Variants in CEP63 observed in about 807,000 individuals in gnomAD.
CEP63 encodes the protein centrosomal protein of 63 kDa.
In CEP63, 84 loss-of-function variants were observed where a neutral mutation model predicts 89.1. The observed-to-expected ratio is 0.94, with a 90% CI of 0.79 to 1.13. The LOEUF is 1.13. Ranked by LOEUF, CEP63 falls within the 50% of genes most tolerant of loss-of-function variation. The pLI is 0.00. For synonymous variants in CEP63, 267 were observed against 272.5 expected (o/e 0.98, Z 0.20); for missense variants, 838 against 813.3 (o/e 1.03, Z -0.37).
At chr3:134,691,652 G>T in the CEP63 span, among the ~76,000 whole-genome samples, 1 of 152,086 alleles carries the variant, frequency 6.6e-6, no homozygotes. Context: ...TTAAAAACAG[G>T]CATAACAAAT....
chr3:134,604,899 G>C, the CEP63 span, among the ~76,000 whole-genome samples: 14 of 152,266 alleles, frequency 9.2e-5, no homozygotes, highest in African/African-American at 3.4e-4. Context: ...TGTAGCATCT[G>C]TCTAAGTGTC....
the CEP63 span, among the ~76,000 whole-genome samples, chr3:134,647,165 C>T: frequency 6.6e-5 from 10 of 152,206 alleles, no homozygotes; most frequent in African/African-American, 2.2e-4. Flanking sequence ...ATGTTAAGTC[C>T]TCCCCTACGG....
At chr3:134,761,157 C>T in the CEP63 span, among the ~76,000 whole-genome samples, 1 of 152,158 alleles carries the variant, frequency 6.6e-6, no homozygotes, top group African/African-American at 2.4e-5. Flanking sequence ...TCTGCACATC[C>T]ACTGTTCTAT....
At chr3:134,486,984 A>G (rs1935729244) in intron 1 of CEP63, among the ~76,000 whole-genome samples, 2 of 152,242 alleles carry the variant, frequency 1.3e-5, no homozygotes, top group Admixed American at 6.5e-5. Flanking sequence ...AAAGATGAGT[A>G]TGATGTCAGA....
At chr3:134,773,114 G>C in the CEP63 span, among the ~76,000 whole-genome samples, 2 of 152,186 alleles carry the variant, frequency 1.3e-5, no homozygotes, top group Admixed American at 1.3e-4. Context: ...GCTTGTAGAG[G>C]CAGCAGGGCA....
the CEP63 span, among the ~76,000 whole-genome samples, chr3:134,662,562 T>G: frequency 2.0e-5 from 3 of 152,192 alleles, no homozygotes; most frequent in Admixed American, 2.0e-4. Context: ...AACAACCTTT[T>G]GAGGTGGTTA....
chr3:134,600,752 T>G, the CEP63 span: 11 of 152,288 alleles, frequency 7.2e-5, no homozygotes, highest in South Asian at 2.1e-4. Flanking sequence ...CAAGTGCTTC[T>G]GTTTCAAGAA....
At chr3:134,678,160 G>A in the CEP63 span, among the ~76,000 whole-genome samples, 1 of 152,104 alleles carries the variant, frequency 6.6e-6, no homozygotes, top group African/African-American at 2.4e-5. Flanking sequence ...CCAGCCCAGA[G>A]CTGCTTGTTG....
chr3:134,767,337 C>G, the CEP63 span, among the ~76,000 whole-genome samples: 1 of 152,148 alleles, frequency 6.6e-6, no homozygotes, highest in African/African-American at 2.4e-5. Flanking sequence ...ATTACCTTCC[C>G]CCTTCAACTA....
chr3:134,525,768 A>G (rs1038998881), intron 3 of CEP63, among the ~76,000 whole-genome samples: 2 of 152,180 alleles, frequency 1.3e-5, no homozygotes, highest in Non-Finnish European at 2.9e-5. Flanking sequence ...TATGCCTTCA[A>G]TCTGTTCTGG....
At chr3:134,514,387 A>T (rs1046585454) in intron 3 of CEP63, among the ~76,000 whole-genome samples, 1 of 152,164 alleles carries the variant, frequency 6.6e-6, no homozygotes, top group Non-Finnish European at 1.5e-5. Flanking sequence ...GGAGAAAAAA[A>T]ATGAGAATGG....
chr3:134,742,034 T>C, the CEP63 span, among the ~76,000 whole-genome samples: 4 of 151,556 alleles, frequency 2.6e-5, no homozygotes, highest in Non-Finnish European at 5.9e-5. Context: ...TCCAAAGGGG[T>C]ACAACCATTG....
At chr3:134,694,598 T>C in the CEP63 span, among the ~76,000 whole-genome samples, 1 of 152,214 alleles carries the variant, frequency 6.6e-6, no homozygotes, top group South Asian at 2.1e-4. Flanking sequence ...CCTCCAGGGC[T>C]CCAGCCTAGG....
chr3:134,598,845 C>T, the CEP63 span, among the ~76,000 whole-genome samples: 1 of 152,182 alleles, frequency 6.6e-6, no homozygotes, highest in East Asian at 1.9e-4. Flanking sequence ...CTGTGGGACA[C>T]CCCAAAGAGG....
intron 1 of CEP63, among the ~76,000 whole-genome samples, chr3:134,488,866 T>G (rs1936632692): frequency 6.6e-6 from 1 of 151,384 alleles, no homozygotes; most frequent in South Asian, 2.1e-4. Flanking sequence ...AATTAAAAAT[T>G]CAGTTCCTAG....
chr3:134,674,476 C>T, the CEP63 span, among the ~76,000 whole-genome samples: 1 of 152,060 alleles, frequency 6.6e-6, no homozygotes. Context: ...ATCACACAGC[C>T]AACATAAACT....
At chr3:134,541,551 T>G (rs1441417754) in intron 6 of CEP63, among the ~76,000 whole-genome samples, 1 of 150,332 alleles carries the variant, frequency 6.7e-6, no homozygotes, top group Non-Finnish European at 1.5e-5. Context: ...TTTTCGCTCT[T>G]GTTGCCCAGG....
the CEP63 span, among the ~76,000 whole-genome samples, chr3:134,695,554 C>T: frequency 3.9e-5 from 6 of 152,258 alleles, no homozygotes; most frequent in East Asian, 1.9e-4. Context: ...TGGCAGGTGA[C>T]GGCTATGCCA....
At chr3:134,661,118 G>T in the CEP63 span, among the ~76,000 whole-genome samples, 1 of 152,192 alleles carries the variant, frequency 6.6e-6, no homozygotes, top group African/African-American at 2.4e-5. Flanking sequence ...ACATTTTAGT[G>T]AGTTTCTTGC....
Sources: gnomAD v4.1 joint callset for allele counts (sites outside exome capture counted in the v4.1 genomes callset) on GRCh38, gnomAD v4.1.1 for gene constraint, MANE v1.5 for transcripts, NCBI Gene and HGNC (gene_info 2026-07-23, HGNC 2026-07-21) for gene names.